PVT1: variants seen among roughly 807,000 people sequenced by gnomAD.
PVT1 encodes the protein CXCR4/PVT1 fusion.
At position 127,997,044 on chromosome 8, in the gene PVT1, G is replaced by GTTTT. The variant is rs1293036762; in HGVS notation, n.912+7762_912+7765dup. On this transcript the variant is annotated intron_variant and non_coding_transcript_variant, in intron 4 of 10. Transcript: ENST00000651587. ...GAACATTCACTGGTCATTTGCTTTC[G>GTTTT]TTTTTTTTTTTTGTTTGTTTGTTTT... Among the ~76,000 whole-genome samples, 551 of 81,550 alleles carry GTTTT rather than the reference G, an allele frequency of 6.8e-3. 133 individuals carry two copies. Among genetic ancestry groups the GTTTT allele is most frequent in the African/African-American group, 0.022 (443 of 19,844 alleles). 53.5% of individuals were successfully genotyped at this position (81,550 alleles called of 152,430 possible).
intron 2 of PVT1, among the ~76,000 whole-genome samples, chr8:127,842,528 C>T (rs192306212): frequency 1.3e-5 from 2 of 151,814 alleles, no homozygotes; most frequent in African/African-American, 4.8e-5. Flanking sequence ...AGCCTCCCAG[C>T]GAGTTGAGAT....
rs148614058 is a variant in PVT1 at position 128,008,017 on chromosome 8, A to AG, written n.912+18729dup. Among the ~76,000 whole-genome samples, 856 of 152,338 alleles carry AG rather than the reference A, an allele frequency of 5.6e-3. 17 individuals are homozygous for AG. In the East Asian group the frequency reaches 0.072, roughly 13 times the overall value. On this transcript the variant is annotated intron_variant and non_coding_transcript_variant, in intron 4 of 10. Transcript: ENST00000651587. ...GAAATTGTTTGTCCTCAGAAACTTT[A>AG]GGGAGAAATTTATTACTAAGATTGT...
chr8:127,805,176 C>T lies in PVT1; in HGVS notation n.372+9105C>T, dbSNP rs531130239. 9.2e-5 allele frequency among the ~76,000 whole-genome samples: 14 copies of T among 151,978 alleles called. No individual in the cohort carries two copies. In the East Asian group the frequency reaches 2.3e-3, roughly 25 times the overall value. The stretch of plus-strand genomic sequence containing the variant: ...AACTCCTGACCTCAGGTGATCCACC[C>T]GCCTTGGCCTCCCAAAGTGCTGGGA... On this transcript the variant is annotated intron_variant and non_coding_transcript_variant, in intron 2 of 10. Transcript: ENST00000651587.
intron 2 of PVT1, among the ~76,000 whole-genome samples, chr8:127,889,033 T>TCTC (rs1491272967): frequency 0.14 from 10,065 of 71,934 alleles, 687 homozygotes; most frequent in East Asian, 0.25. Flanking sequence ...CCTTTCTCTC[T>TCTC]TTCTTTCTTC....
At chr8:127,980,248 G>C (rs1018788330) in intron 3 of PVT1, among the ~76,000 whole-genome samples, 1 of 152,134 alleles carries the variant, frequency 6.6e-6, no homozygotes, top group African/African-American at 2.4e-5. Flanking sequence ...GTATTGGGGG[G>C]AATGGAATTA....
chr8:128,017,377 G>A (rs1314399659), intron 4 of PVT1, among the ~76,000 whole-genome samples: 2 of 152,150 alleles, frequency 1.3e-5, no homozygotes, highest in Admixed American at 6.5e-5. Context: ...TCTGCTGCCC[G>A]GTTCCTGAGA....
chr8:128,100,679 A>G (rs751889412), intron 6 of PVT1, among the ~76,000 whole-genome samples: 1 of 152,228 alleles, frequency 6.6e-6, no homozygotes, highest in Non-Finnish European at 1.5e-5. Context: ...TGAGAAAATT[A>G]TAACAGTAAG....
chr8:127,881,749 A>G (rs917743074), intron 2 of PVT1, among the ~76,000 whole-genome samples: 55 of 151,576 alleles, frequency 3.6e-4, no homozygotes, highest in Admixed American at 2.5e-3. Flanking sequence ...GAGCCACCAC[A>G]CCCGGCCTAT....
chr8:128,084,399 T>G (rs1163269116), intron 5 of PVT1, among the ~76,000 whole-genome samples: 1 of 152,242 alleles, frequency 6.6e-6, no homozygotes, highest in Non-Finnish European at 1.5e-5. Context: ...CCTGGCTCTC[T>G]GCTCAGATGT....
intron 2 of PVT1, among the ~76,000 whole-genome samples, chr8:127,860,172 C>T (rs1815204985): frequency 6.6e-6 from 1 of 152,168 alleles, no homozygotes; most frequent in African/African-American, 2.4e-5. Flanking sequence ...CAGTGAGCTC[C>T]AGGAGACGAG....
chr8:128,087,019 C>T (rs563992323), intron 5 of PVT1, among the ~76,000 whole-genome samples: 33 of 152,356 alleles, frequency 2.2e-4, no homozygotes, highest in South Asian at 1.9e-3. Context: ...CATAATGCAG[C>T]GTCTTTGCTT....
intron 4 of PVT1, among the ~76,000 whole-genome samples, chr8:128,037,299 A>G (rs896947302): frequency 8.5e-5 from 13 of 152,232 alleles, no homozygotes; most frequent in Non-Finnish European, 4.4e-5. Context: ...TTTTGCATGT[A>G]TGTTCAGAGG....
At chr8:127,852,729 A>G (rs997154881) in intron 2 of PVT1, among the ~76,000 whole-genome samples, 1 of 152,164 alleles carries the variant, frequency 6.6e-6, no homozygotes, top group African/African-American at 2.4e-5. Context: ...CTTTATTACT[A>G]TTCAAGAAGC....
chr8:127,795,375 T>C (rs572903905), intron 1 of PVT1, among the ~76,000 whole-genome samples: 5 of 152,314 alleles, frequency 3.3e-5, no homozygotes, highest in African/African-American at 1.2e-4. Context: ...AGCACAGCCA[T>C]GAAGCTGCAT....
At chr8:127,905,219 C>T (rs558322050) in intron 3 of PVT1, among the ~76,000 whole-genome samples, 95 of 152,296 alleles carry the variant, frequency 6.2e-4, no homozygotes, top group African/African-American at 2.1e-3. Context: ...TTGGGGGATG[C>T]AACATTGGGG....
At chr8:127,831,015 A>G (rs1814841856) in intron 2 of PVT1, among the ~76,000 whole-genome samples, 1 of 151,820 alleles carries the variant, frequency 6.6e-6, no homozygotes, top group Non-Finnish European at 1.5e-5. Flanking sequence ...ATAAGTTAAT[A>G]TTTAATAAAC....
chr8:127,939,493 CT>C, intron 3 of PVT1: 1 of 152,444 alleles, frequency 6.6e-6, no homozygotes, highest in Non-Finnish European at 1.5e-5. Flanking sequence ...ACACTCATAC[CT>C]TTTGCTTCTG....
At chr8:127,938,598 A>G (rs1026255913) in intron 3 of PVT1, among the ~76,000 whole-genome samples, 13 of 152,236 alleles carry the variant, frequency 8.5e-5, no homozygotes, top group African/African-American at 3.1e-4. Flanking sequence ...TGGGATTCTA[A>G]CTTTTTTTCT....
chr8:128,094,745 G>T (rs1207834491), intron 5 of PVT1, among the ~76,000 whole-genome samples: 1 of 152,074 alleles, frequency 6.6e-6, no homozygotes, highest in Non-Finnish European at 1.5e-5. Flanking sequence ...TTTATTTCAG[G>T]GTCCAAGCCA....
Sources: gnomAD v4.1 joint callset for allele counts (sites outside exome capture counted in the v4.1 genomes callset) on GRCh38, gnomAD v4.1.1 for gene constraint, MANE v1.5 for transcripts, NCBI Gene and HGNC (gene_info 2026-07-23, HGNC 2026-07-21) for gene names.